Variants in SLC44A1 observed in about 807,000 individuals in gnomAD.
SLC44A1 encodes solute carrier family 44 member 1.
In SLC44A1, 26 loss-of-function variants were observed where a neutral mutation model predicts 79.3. The ratio of observed to expected loss-of-function variants is 0.33; its 90% CI spans 0.24 to 0.46. The LOEUF (loss-of-function observed/expected upper bound fraction) is 0.46, where lower values mean the gene tolerates loss of function less well. SLC44A1 is among the 20% of genes least tolerant of loss of function. The probability of loss-of-function intolerance (pLI) is 1.00; values close to 1 mark genes in which losing one functional copy is unlikely to be tolerated. For synonymous variants in SLC44A1, 263 were observed against 286.2 expected, an observed-to-expected ratio of 0.92 and a Z score of 0.82; for missense variants, 688 against 798.1, an observed-to-expected ratio of 0.86 and a Z score of 1.66.
rs547682324 is a variant in SLC44A1, at chr9:105,418,835, C to T, written c.1951-19446C>T. 3.3e-5 allele frequency among the ~76,000 whole-genome samples: 5 copies of T among 152,296 alleles called. No homozygotes were observed. In the South Asian group the frequency reaches 1.0e-3, roughly 32 times the overall value. On this transcript the variant is annotated intron_variant, in intron 15 of 15. Coordinates refer to the SLC44A1 transcript ENST00000374724. ...TTATTAGCAGATATTGTCTAACAGA[C>T]TGTGGATTCTTGCTCATTGGCCAAG...
chr9:105,308,493 T>C (rs1831090712), intron 2 of SLC44A1, among the ~76,000 whole-genome samples: 1 of 152,246 alleles, frequency 6.6e-6, no homozygotes, highest in Non-Finnish European at 1.5e-5. Context: ...AAGTTTCTAC[T>C]GACTGTAGCT....
downstream of SLC44A1, among the ~76,000 whole-genome samples, chr9:105,399,532 T>G (rs1045129630): frequency 2.0e-5 from 3 of 151,256 alleles, no homozygotes; most frequent in Non-Finnish European, 4.4e-5. Flanking sequence ...TGAAAAAAAA[T>G]TGAGAAAAGG....
chr9:105,259,120 ACT>A (rs1829782777), intron 1 of SLC44A1, among the ~76,000 whole-genome samples: 1 of 151,784 alleles, frequency 6.6e-6, no homozygotes, highest in South Asian at 2.1e-4. Flanking sequence ...TAAACTTCAG[ACT>A]CTAAGTAAGG....
chr9:105,323,976 T>C (rs1826483021), intron 3 of SLC44A1, among the ~76,000 whole-genome samples: 1 of 152,144 alleles, frequency 6.6e-6, no homozygotes, highest in Non-Finnish European at 1.5e-5. Context: ...TTGACTCCTG[T>C]ACTTTCTCCC....
chr9:105,339,210 A>G (rs960920955), intron 4 of SLC44A1, among the ~76,000 whole-genome samples: 1 of 152,078 alleles, frequency 6.6e-6, no homozygotes. Context: ...GTTAATATCT[A>G]GACTATCTGA....
chr9:105,433,116 A>C (rs1829419020), intron 15 of SLC44A1, among the ~76,000 whole-genome samples: 1 of 151,904 alleles, frequency 6.6e-6, no homozygotes, highest in Non-Finnish European at 1.5e-5. Context: ...GCCAACATGG[A>C]GAAACCCTGT....
At chr9:105,385,662 A>G in intron 15 of SLC44A1, 160 bp downstream of exon 15, 1 of 985,442 alleles carries the variant, frequency 1.0e-6, no homozygotes, top group Non-Finnish European at 1.2e-6. Context: ...CATCACTTGG[A>G]TGGCAGAATT....
intron 13 of SLC44A1, among the ~76,000 whole-genome samples, chr9:105,382,223 A>G (rs770915695): frequency 1.8e-4 from 27 of 152,128 alleles, no homozygotes; most frequent in Non-Finnish European, 2.9e-4. Context: ...GTGTGTTTCC[A>G]AGGCTATAAA....
chr9:105,320,360 T>C (rs549012883), intron 3 of SLC44A1, among the ~76,000 whole-genome samples: 26 of 150,772 alleles, frequency 1.7e-4, no homozygotes, highest in African/African-American at 5.8e-4. Flanking sequence ...TGTAATTTAA[T>C]ATATTTCATT....
chr9:105,297,063 A>G (rs73666624), intron 1 of SLC44A1, among the ~76,000 whole-genome samples: 6,342 of 152,152 alleles, frequency 0.042, 449 homozygotes, highest in African/African-American at 0.14. Context: ...CTGCCTACTC[A>G]TTCTTGGTTT....
intron 13 of SLC44A1, among the ~76,000 whole-genome samples, chr9:105,376,483 C>G (rs950658043): frequency 1.3e-5 from 2 of 151,928 alleles, no homozygotes; most frequent in Non-Finnish European, 2.9e-5. Flanking sequence ...AAGCGATTCT[C>G]CTGCCTTAGC....
intron 3 of SLC44A1, among the ~76,000 whole-genome samples, chr9:105,326,805 G>A (rs909102549): frequency 2.0e-5 from 3 of 152,142 alleles, no homozygotes; most frequent in Admixed American, 6.5e-5. Flanking sequence ...TATATATGCC[G>A]ATTATTCCAA....
chr9:105,356,189 A>G (rs200020876), intron 5 of SLC44A1, 23 bp from the exon 6 acceptor site: 1 of 1,581,362 alleles, frequency 6.3e-7, no homozygotes. Context: ...TTTTTTTCTG[A>G]TTTTTTTTTC....
chr9:105,389,997 G>C lies in SLC44A1; in HGVS notation c.*941G>C. Reference sequence around the variant, plus strand: ...GCTTGGGCTTCGGCTTCAGAGTAACGTCAGTGGCTTAGGGTTAAACGGCCA... The same window carrying C: ...GCTTGGGCTTCGGCTTCAGAGTAACCTCAGTGGCTTAGGGTTAAACGGCCA... On this transcript the variant is annotated 3_prime_UTR_variant, in exon 16 of 16. Coordinates refer to ENST00000374720, the MANE Select transcript of SLC44A1 (RefSeq NM_080546.5). 2 of 1,433,142 alleles carry C rather than the reference G, an allele frequency of 1.4e-6. No homozygotes were observed. The highest frequency in any genetic ancestry group is 1.8e-6 in the Non-Finnish European group (2 of 1,093,234). The allele number at this position is 1,433,142 out of a possible 1,614,324, so 88.8% of individuals were successfully genotyped here.
At chr9:105,401,564 CAGG>C (rs1298943994), downstream of SLC44A1, among the ~76,000 whole-genome samples, 3 of 151,774 alleles carry the variant, frequency 2.0e-5, no homozygotes, top group African/African-American at 7.3e-5. Flanking sequence ...AGGGAAAGGT[CAGG>C]AGGAGGAGTG....
Position 105,394,881 on chromosome 9 carries a change from C to T in SLC44A1, c.*5825C>T. ...CCCACTAGAGCAGCTTCAGATTCCT[C>T]TGCCAATAGAACTCCACCCCCAGTC... On this transcript the variant is annotated 3_prime_UTR_variant, in exon 16 of 16. Transcript: ENST00000374720. 1.0e-6 allele frequency: 1 copy of T among 985,464 alleles called. No homozygotes were observed. The highest frequency in any genetic ancestry group is 1.2e-6 in the Non-Finnish European group (1 of 829,960). The allele number at this position is 985,464 out of a possible 1,614,324, so 61.0% of individuals were successfully genotyped here.
chr9:105,248,242 TATA>T (rs1396029209), intron 1 of SLC44A1, among the ~76,000 whole-genome samples: 3 of 152,226 alleles, frequency 2.0e-5, no homozygotes, highest in Admixed American at 6.5e-5. Context: ...ACTTTTGAAA[TATA>T]ATTTATTTTC....
At chr9:105,346,198 G>A (rs890956361) in intron 4 of SLC44A1, among the ~76,000 whole-genome samples, 4 of 152,082 alleles carry the variant, frequency 2.6e-5, no homozygotes, top group African/African-American at 9.7e-5. Flanking sequence ...ACATTGTAAA[G>A]ATCTTTTTCC....
intron 1 of SLC44A1, among the ~76,000 whole-genome samples, chr9:105,298,214 C>T (rs1343734419): frequency 3.3e-5 from 5 of 152,074 alleles, no homozygotes; most frequent in Non-Finnish European, 7.4e-5. Flanking sequence ...GATCTAGAAA[C>T]TAACATTTTC....
Sources: gnomAD v4.1 joint callset for allele counts (sites outside exome capture counted in the v4.1 genomes callset) on GRCh38, gnomAD v4.1.1 for gene constraint, MANE v1.5 for transcripts, NCBI Gene and HGNC (gene_info 2026-07-23, HGNC 2026-07-21) for gene names.